MAPRE2: variants seen among roughly 807,000 people sequenced by gnomAD.
The protein encoded by MAPRE2 is microtubule associated protein RP/EB family member 2, also known as microtubule-associated protein RP/EB family member 2.
A neutral mutation model predicts 43.2 loss-of-function variants in MAPRE2; 13 were observed. That is an observed-to-expected ratio of 0.30 (90% CI 0.20 to 0.48). MAPRE2 has a LOEUF of 0.48. Ranked by LOEUF, MAPRE2 falls within the 20% of genes least tolerant of loss-of-function variation. MAPRE2 has a pLI of 0.99. For synonymous variants in MAPRE2, 135 were observed against 148.8 expected (o/e 0.91, Z 0.68); for missense variants, 161 against 400.2 (o/e 0.40, Z 5.10).
chr18:35,059,424 G>T (rs1333248796), intron 1 of MAPRE2, among the ~76,000 whole-genome samples: 1 of 151,944 alleles, frequency 6.6e-6, no homozygotes, highest in African/African-American at 2.4e-5. Flanking sequence ...ATTGATATTT[G>T]CCTTTTGTAT....
intron 3 of MAPRE2, among the ~76,000 whole-genome samples, chr18:35,098,126 T>TC (rs1908512326): frequency 6.6e-6 from 1 of 152,182 alleles, no homozygotes; most frequent in South Asian, 2.1e-4. Context: ...GCCCTTTTTT[T>TC]CTCCCATGAA....
intron 4 of MAPRE2, among the ~76,000 whole-genome samples, chr18:35,116,195 T>C (rs1022455986): frequency 1.3e-5 from 2 of 152,212 alleles, no homozygotes; most frequent in South Asian, 2.1e-4. Context: ...CAAAACTTAA[T>C]GTATAAGTAG....
chr18:34,998,323 C>CTTT (rs11339291), intron 1 of MAPRE2, among the ~76,000 whole-genome samples: 34 of 120,704 alleles, frequency 2.8e-4, no homozygotes, highest in Non-Finnish European at 4.2e-4. Flanking sequence ...TTTTCTCTCT[C>CTTT]TTTTTTTTTT....
chr18:35,100,269 A>T (rs538208842), intron 3 of MAPRE2, among the ~76,000 whole-genome samples: 6 of 152,374 alleles, frequency 3.9e-5, no homozygotes, highest in African/African-American at 1.4e-4. Context: ...CTTTAAAAAA[A>T]CAGCAAATTA....
At chr18:34,980,668 G>T (rs1200054643) in intron 1 of MAPRE2, among the ~76,000 whole-genome samples, 1 of 152,110 alleles carries the variant, frequency 6.6e-6, no homozygotes, top group Non-Finnish European at 1.5e-5. Flanking sequence ...TAGCTTATTT[G>T]TTCACTTACA....
chr18:35,075,953 C>G (rs1024443913), intron 2 of MAPRE2, among the ~76,000 whole-genome samples: 1 of 152,240 alleles, frequency 6.6e-6, no homozygotes, highest in East Asian at 1.9e-4. Context: ...ACACTTTGCT[C>G]CCGAAGATGA....
At chr18:35,133,650 G>A (rs570917148) in intron 6 of MAPRE2, among the ~76,000 whole-genome samples, 6 of 152,324 alleles carry the variant, frequency 3.9e-5, no homozygotes, top group African/African-American at 1.4e-4. Context: ...CTTCTTCCCA[G>A]CCCTGCACTT....
intron 1 of MAPRE2, among the ~76,000 whole-genome samples, chr18:35,063,237 G>A (rs1301031989): frequency 1.3e-5 from 2 of 152,016 alleles, no homozygotes; most frequent in African/African-American, 4.8e-5. Flanking sequence ...CTGAGTAGCT[G>A]GGACTACAGG....
chr18:35,039,839 TG>T (rs1202267089), upstream of MAPRE2, among the ~76,000 whole-genome samples: 1 of 152,240 alleles, frequency 6.6e-6, no homozygotes, highest in African/African-American at 2.4e-5. Flanking sequence ...ATATTTATGC[TG>T]TATCTTTTAC....
chr18:35,101,020 CAA>C lies in MAPRE2; in HGVS notation c.397-925_397-924del, dbSNP rs544380239. 7.2e-5 allele frequency among the ~76,000 whole-genome samples: 11 copies of C among 152,292 alleles called. No homozygotes were observed. The South Asian group carries it at 1.4e-3, about 20-fold the overall frequency. On this transcript the variant is annotated intron_variant, in intron 3 of 6. Transcript: ENST00000300249. ...TGCCATTGCACTCCATCCTGGGCGA[CAA>C]GAGTGAAACTCCGTCTCAAAATAAA...
At chr18:35,125,900 C>T (rs1425858326) in intron 4 of MAPRE2, among the ~76,000 whole-genome samples, 1 of 152,128 alleles carries the variant, frequency 6.6e-6, no homozygotes, top group Non-Finnish European at 1.5e-5. Flanking sequence ...CTCAGATCTC[C>T]CCATTGTAAG....
intron 4 of MAPRE2, among the ~76,000 whole-genome samples, chr18:35,106,961 G>C (rs1361468299): frequency 6.6e-6 from 1 of 152,118 alleles, no homozygotes; most frequent in Non-Finnish European, 1.5e-5. Context: ...GATAGCTGTT[G>C]GTGGGGATTG....
chr18:35,067,974 C>CT (rs1568991091), intron 1 of MAPRE2, among the ~76,000 whole-genome samples: 2 of 152,160 alleles, frequency 1.3e-5, no homozygotes, highest in Non-Finnish European at 2.9e-5. Context: ...GTCACACTAT[C>CT]TGAGATTCCT....
intron 1 of MAPRE2, among the ~76,000 whole-genome samples, chr18:34,979,123 G>A (rs2097014771): frequency 6.6e-6 from 1 of 152,134 alleles, no homozygotes; most frequent in South Asian, 2.1e-4. Context: ...CCTGGGGCGG[G>A]GAACTGTCAT....
intron 6 of MAPRE2, among the ~76,000 whole-genome samples, chr18:35,136,211 G>A (rs936692878): frequency 2.0e-5 from 3 of 152,260 alleles, no homozygotes; most frequent in South Asian, 4.1e-4. Flanking sequence ...ACGTAACTTG[G>A]AGCCACAGGA....
At chr18:35,015,565 C>T (rs1391933093) in intron 2 of MAPRE2, among the ~76,000 whole-genome samples, 27 of 151,366 alleles carry the variant, frequency 1.8e-4, no homozygotes, top group Admixed American at 1.6e-3. Context: ...TAACGAATCA[C>T]GTTTTATTTT....
At chr18:35,115,702 C>A (rs542533815) in intron 4 of MAPRE2, among the ~76,000 whole-genome samples, 9 of 152,270 alleles carry the variant, frequency 5.9e-5, no homozygotes, top group Admixed American at 1.3e-4. Flanking sequence ...TATATTATTT[C>A]ATTCCTTTTT....
At chr18:35,126,620 T>A (rs1056670847) in intron 4 of MAPRE2, among the ~76,000 whole-genome samples, 2 of 152,232 alleles carry the variant, frequency 1.3e-5, no homozygotes, top group Admixed American at 6.5e-5. Flanking sequence ...TAAGTTTATC[T>A]AAAAACCTTT....
chr18:35,041,913 T>C (rs1905389604), intron 1 of MAPRE2: 4 of 786,762 alleles, frequency 5.1e-6, no homozygotes, highest in Non-Finnish European at 1.9e-6. Flanking sequence ...ATCTCTTTCC[T>C]TCCACACTGA....
Sources: gnomAD v4.1 joint callset for allele counts (sites outside exome capture counted in the v4.1 genomes callset) on GRCh38, gnomAD v4.1.1 for gene constraint, MANE v1.5 for transcripts, NCBI Gene and HGNC (gene_info 2026-07-23, HGNC 2026-07-21) for gene names.